The following ARFGEF3 variants were observed in gnomAD, a reference collection of about 807,000 sequenced individuals.
The protein encoded by ARFGEF3 is ARFGEF family member 3, also known as brefeldin A-inhibited guanine nucleotide-exchange protein 3.
A neutral mutation model predicts 221.7 loss-of-function variants in ARFGEF3; 96 were observed. That is an observed-to-expected ratio of 0.43 (90% confidence interval 0.37 to 0.51). The LOEUF (loss-of-function observed/expected upper bound fraction) is 0.51, where lower values mean the gene tolerates loss of function less well. Ranked by LOEUF, ARFGEF3 falls within the 20% of genes least tolerant of loss-of-function variation. The probability of loss-of-function intolerance (pLI) is 0.00; values close to 1 mark genes in which losing one functional copy is unlikely to be tolerated. For synonymous variants in ARFGEF3, 1,145 were observed against 1,126.8 expected (o/e 1.02, Z -0.32); for missense variants, 2,410 against 2,789.9 (o/e 0.86, Z 3.07).
intron 26 of ARFGEF3, among the ~76,000 whole-genome samples, chr6:138,317,009 T>TATCA (rs1035528517): frequency 2.6e-5 from 4 of 152,226 alleles, no homozygotes; most frequent in African/African-American, 7.2e-5. Context: ...TTCCTTAACC[T>TATCA]ATCACCTTTT....
intron 4 of ARFGEF3, 149 bp downstream of exon 4, chr6:138,210,190 C>G (rs897574266): frequency 2.8e-6 from 2 of 713,582 alleles, no homozygotes; most frequent in Non-Finnish European, 4.5e-6. Context: ...CTCATGGTCC[C>G]CCTAAATTAC....
intron 13 of ARFGEF3, among the ~76,000 whole-genome samples, chr6:138,279,789 T>C (rs1047194392): frequency 2.6e-5 from 4 of 152,270 alleles, no homozygotes; most frequent in Admixed American, 2.0e-4. Context: ...TTCTGCAAGG[T>C]ATCTGTCAAA....
At position 138,263,086 on chromosome 6, in the gene ARFGEF3, A is replaced by G. The variant is rs1172858169; in HGVS notation, c.1603A>G (p.Ser535Gly). The G allele has an allele frequency of 3.7e-6, 6 of 1,613,742 alleles. No homozygotes were observed. In the African/African-American group the frequency reaches 6.7e-5, roughly 18 times the overall value. The change falls in exon 12 of 34, where the codon AGT (serine) becomes GGT (glycine). Residue 535 changes from serine (S) to glycine (G), a missense_variant. Physicochemically the swap from Ser to Gly is moderately conservative, Grantham distance 56 (BLOSUM62 0). This residue lies in a region of ARFGEF3 where 594 missense variants were observed against 734.3 expected (regional missense o/e 0.81). Coordinates refer to ENST00000251691, the MANE Select transcript of ARFGEF3 (RefSeq NM_020340.5). ...PEDHSGNHKN[S>G]LKSPAIPEGK... is the part of the protein sequence containing the mutation. ...GGACCATTCGGGAAACCACAAGAAC[A>G]GTCTCAAGTCGCCAGCCATCCCAGA...
chr6:138,181,936 C>T (rs1328187533), intron 2 of ARFGEF3, among the ~76,000 whole-genome samples: 1 of 152,144 alleles, frequency 6.6e-6, no homozygotes, highest in South Asian at 2.1e-4. Context: ...GATAGGGACC[C>T]GAGCTCATCA....
intron 11 of ARFGEF3, 67 bp from the exon 12 acceptor site, chr6:138,262,634 G>A: frequency 6.8e-7 from 1 of 1,476,960 alleles, no homozygotes. Context: ...TAACACTCTT[G>A]TTCCTTTCAG....
chr6:138,266,216 AAGAGAAAG>A (rs950567265), intron 12 of ARFGEF3, among the ~76,000 whole-genome samples: 13 of 152,042 alleles, frequency 8.6e-5, no homozygotes, highest in South Asian at 4.2e-4. Flanking sequence ...CTGTCAAAGA[AAGAGAAAG>A]AGAGAAAGAG....
intron 4 of ARFGEF3, among the ~76,000 whole-genome samples, chr6:138,227,047 T>TG (rs1778098568): frequency 6.6e-6 from 1 of 152,080 alleles, no homozygotes; most frequent in Admixed American, 6.5e-5. Context: ...GATTTTGTTT[T>TG]TTTTTTTTCC....
At chr6:138,191,787 G>A (rs1181994949) in intron 2 of ARFGEF3, among the ~76,000 whole-genome samples, 2 of 152,122 alleles carry the variant, frequency 1.3e-5, no homozygotes, top group East Asian at 1.9e-4. Flanking sequence ...TACTTCGTTT[G>A]CATGCTGTCT....
At chr6:138,331,560 C>T (rs182453712) in intron 32 of ARFGEF3, among the ~76,000 whole-genome samples, 56 of 152,300 alleles carry the variant, frequency 3.7e-4, no homozygotes, top group Non-Finnish European at 1.5e-5. Flanking sequence ...ACATTGATAG[C>T]CCCAAGCTTT....
intron 1 of ARFGEF3, among the ~76,000 whole-genome samples, chr6:138,164,005 C>T (rs769774353): frequency 2.6e-5 from 4 of 152,056 alleles, no homozygotes; most frequent in African/African-American, 2.4e-5. Context: ...TTCTTTCCGT[C>T]GCTTCTTTAT....
rs748094806 is a variant in ARFGEF3, at chr6:138,334,597, G to C, written c.5751G>C (p.Gln1917His). The C allele has an allele frequency of 1.2e-6, 2 of 1,613,702 alleles. No individual in the cohort carries two copies. The highest frequency in any genetic ancestry group is 2.2e-5 in the South Asian group (2 of 91,086). Residue 1917 changes from glutamine (Q) to histidine (H), a missense_variant, in exon 33 of 34, where the codon CAG becomes CAC. Transcript: ENST00000251691. The surrounding 1 kb of genome is among the most constrained non-coding windows in gnomAD (Gnocchi z 5.1). ...TGGAACTGTGCAACAACTACATCCA[G>C]ATGCACTTGGACCTGGAGAACTGTA... The part of the protein sequence containing the change: ...LCMELCNNYI[Q>H]MHLDLENCME...
chr6:138,282,168 T>C (rs1389461387), intron 14 of ARFGEF3, among the ~76,000 whole-genome samples: 1 of 152,222 alleles, frequency 6.6e-6, no homozygotes, highest in African/African-American at 2.4e-5. Context: ...TTGGCCAGGC[T>C]GGCCTTGAAC....
At chr6:138,186,729 G>C (rs1426795986) in intron 2 of ARFGEF3, among the ~76,000 whole-genome samples, 1 of 152,046 alleles carries the variant, frequency 6.6e-6, no homozygotes, top group Non-Finnish European at 1.5e-5. Context: ...AGAGGTGCTG[G>C]AGATATCCCC....
In ARFGEF3 at chr6:138,343,526, T is replaced by G. The variant is rs1780466682; in HGVS notation, c.*7040T>G. 1.3e-5 allele frequency: 2 copies of G among 152,194 alleles called. No individual in the cohort carries two copies. The highest frequency in any genetic ancestry group is 4.8e-5 in the African/African-American group (2 of 41,456). 9.4% of individuals were successfully genotyped at this position (152,194 alleles called of 1,614,324 possible). On this transcript the variant is annotated 3_prime_UTR_variant, in exon 34 of 34. Coordinates refer to ENST00000251691, the MANE Select transcript of ARFGEF3 (RefSeq NM_020340.5). ...GGAAATTATGTGTGCATTTAGTTCT[T>G]TTAGTAACACTGATTTTAAAATTAA...
At chr6:138,280,983 T>G (rs796755622) in intron 14 of ARFGEF3, among the ~76,000 whole-genome samples, 4 of 152,326 alleles carry the variant, frequency 2.6e-5, no homozygotes, top group African/African-American at 7.2e-5. Context: ...AGCTTTTATC[T>G]TTTTTAAGAA....
intron 2 of ARFGEF3, among the ~76,000 whole-genome samples, chr6:138,189,490 T>C (rs966906525): frequency 2.0e-5 from 3 of 152,184 alleles, no homozygotes; most frequent in Non-Finnish European, 4.4e-5. Flanking sequence ...TAAAGATGAA[T>C]CTTAATATTT....
intron 30 of ARFGEF3, 43 bp from the exon 31 acceptor site, chr6:138,323,980 T>A: frequency 3.1e-6 from 5 of 1,600,882 alleles, no homozygotes; most frequent in Non-Finnish European, 4.3e-6. Flanking sequence ...GCCCGGCCCA[T>A]GAACCAGGAT....
intron 17 of ARFGEF3, among the ~76,000 whole-genome samples, chr6:138,287,437 G>C (rs1779318131): frequency 6.6e-6 from 1 of 152,216 alleles, no homozygotes; most frequent in African/African-American, 2.4e-5. Context: ...CAGGCCCAGG[G>C]GGACCCACCT....
chr6:138,280,313 A>C (rs1414996662), intron 14 of ARFGEF3, 149 bp downstream of exon 14: 1 of 737,878 alleles, frequency 1.4e-6, no homozygotes, highest in Non-Finnish European at 2.3e-6. Context: ...GTTCCAGGGA[A>C]GTGTCATGAG....
Sources: allele counts gnomAD v4.1 joint callset (sites outside exome capture counted in the v4.1 genomes callset), GRCh38; gene constraint gnomAD v4.1.1; regional missense constraint gnomAD v4.1.1; non-coding constraint Gnocchi (gnomAD v3.1); transcripts MANE v1.5; gene names NCBI Gene and HGNC (gene_info 2026-07-23, HGNC 2026-07-21).